The following ITCH variants were observed in gnomAD, a reference collection of about 807,000 sequenced individuals.
ITCH encodes itchy E3 ubiquitin protein ligase.
Under a neutral mutation model 126.8 loss-of-function variants are expected in ITCH, and 28 were observed. The ratio of observed to expected loss-of-function variants is 0.22; its 90% CI spans 0.16 to 0.30. The LOEUF (loss-of-function observed/expected upper bound fraction) is 0.30, where lower values mean the gene tolerates loss of function less well. Among genes scored for constraint, ITCH ranks in the 10% least tolerant of loss-of-function variants. The pLI is 1.00. For synonymous variants in ITCH, 342 were observed against 340.0 expected (o/e 1.01, Z -0.06); for missense variants, 631 against 1,032.4 (o/e 0.61, Z 5.33).
chr20:34,365,164 G>A (rs1334327302), intron 1 of ITCH, among the ~76,000 whole-genome samples: 1 of 151,994 alleles, frequency 6.6e-6, no homozygotes, highest in Non-Finnish European at 1.5e-5. Flanking sequence ...CGTTGCCACT[G>A]CATTCCAGCC....
Position 34,445,312 on chromosome 20 carries a change from G to A in ITCH, c.991G>A (p.Gly331Arg), listed in dbSNP as rs368511233. 14 of 1,610,274 alleles carry A rather than the reference G, an allele frequency of 8.7e-6. No individual in the cohort carries two copies. The African/African-American group carries it at 1.9e-4, about 22-fold the overall frequency. Reference sequence around the variant, plus strand: ...CTGGGAACGGCGGGTTGACAACATGGGACGTATTTATTATGTTGACCATTT... The same window carrying A: ...CTGGGAACGGCGGGTTGACAACATGAGACGTATTTATTATGTTGACCATTT... Reference protein sequence around the residue: ...PGWERRVDNMGRIYYVDHFTR... With the variant: ...PGWERRVDNMRRIYYVDHFTR... The change falls in exon 11 of 25, where the codon GGA (glycine) becomes AGA (arginine). Residue 331 changes from glycine (G) to arginine (R), a missense_variant. By Grantham distance (125) the Gly-to-Arg change is moderately radical. Around this residue, in one of 4 missense-constraint regions of ITCH, gnomAD observed 390 missense variants for 731.6 expected, o/e 0.53. Coordinates refer to ENST00000374864, the MANE Select transcript of ITCH (RefSeq NM_031483.7).
intron 2 of ITCH, among the ~76,000 whole-genome samples, chr20:34,370,216 C>T (rs146539817): frequency 2.6e-5 from 4 of 152,132 alleles, no homozygotes; most frequent in East Asian, 1.9e-4. Context: ...GTGTGACTTT[C>T]GGCGAGTTAT....
intron 7 of ITCH, among the ~76,000 whole-genome samples, chr20:34,435,454 C>A (rs957649777): frequency 6.6e-6 from 1 of 152,188 alleles, no homozygotes; most frequent in African/African-American, 2.4e-5. Context: ...CAGGCGTGAG[C>A]CACTGCAGCC....
chr20:34,433,407 A>C (rs189049492), intron 7 of ITCH, among the ~76,000 whole-genome samples: 1 of 152,080 alleles, frequency 6.6e-6, no homozygotes, highest in Non-Finnish European at 1.5e-5. Flanking sequence ...CAGGCAGGGC[A>C]TGGTGGCTCA....
At chr20:34,485,973 A>G (rs1989076592) in intron 20 of ITCH, among the ~76,000 whole-genome samples, 1 of 152,148 alleles carries the variant, frequency 6.6e-6, no homozygotes, top group Non-Finnish European at 1.5e-5. Context: ...TTAAAGCTGC[A>G]TATTTCCAAC....
chr20:34,480,761 A>G (rs1988677336), intron 19 of ITCH, 29 bp downstream of exon 19: 2 of 1,513,002 alleles, frequency 1.3e-6, no homozygotes, highest in East Asian at 2.3e-5. Context: ...GTAATTTATT[A>G]AAATATAGTT....
At chr20:34,461,956 T>C (rs1411358680) in intron 13 of ITCH, 137 bp from the exon 14 acceptor site, 2 of 773,798 alleles carry the variant, frequency 2.6e-6, no homozygotes, top group Non-Finnish European at 4.3e-6. Context: ...TAGAGATGTC[T>C]AGTATACAAC....
rs147893770 is a variant in ITCH at position 34,390,847 on chromosome 20, G to C, written c.-21-2944G>C. Among the ~76,000 whole-genome samples the C allele has an allele frequency of 7.6e-3, 1,153 of 152,022 alleles. 6 individuals are homozygous for C. The highest frequency in any genetic ancestry group is 0.012 in the Non-Finnish European group (812 of 67,980). ...GCAATCTTGGCTTACTGCCTCCCGGGTTCAAGCGATTCTCCTGCCTCAGAC... is the reference window on the plus strand; with the variant it reads ...GCAATCTTGGCTTACTGCCTCCCGGCTTCAAGCGATTCTCCTGCCTCAGAC... On this transcript the variant is annotated intron_variant, in intron 2 of 24. Transcript: ENST00000374864.
chr20:34,404,647 C>G (rs902980408), intron 3 of ITCH, among the ~76,000 whole-genome samples: 5 of 152,032 alleles, frequency 3.3e-5, no homozygotes, highest in Non-Finnish European at 7.4e-5. Flanking sequence ...TCCTGACCCC[C>G]GTTGATCCTT....
chr20:34,468,892 C>T (rs1292096859), intron 14 of ITCH, among the ~76,000 whole-genome samples: 1 of 151,872 alleles, frequency 6.6e-6, no homozygotes, highest in Non-Finnish European at 1.5e-5. Flanking sequence ...CGTTTGTATA[C>T]AGAAAATCAT....
intron 3 of ITCH, among the ~76,000 whole-genome samples, chr20:34,405,506 C>CAAAAA (rs113924606): frequency 7.5e-6 from 1 of 133,674 alleles, no homozygotes. Flanking sequence ...ACTCCTATCT[C>CAAAAA]AAAAAAAAAA....
intron 23 of ITCH, among the ~76,000 whole-genome samples, chr20:34,499,311 C>T (rs549855779): frequency 1.9e-3 from 120 of 64,494 alleles, no homozygotes; most frequent in African/African-American, 7.3e-3. Flanking sequence ...TTTTTTGAGA[C>T]AGTCTTGCTC....
chr20:34,463,960 G>C (rs952076645), intron 14 of ITCH, among the ~76,000 whole-genome samples: 1 of 151,620 alleles, frequency 6.6e-6, no homozygotes, highest in South Asian at 2.1e-4. Flanking sequence ...TTTGATGTCT[G>C]ATTTGTCAAT....
intron 13 of ITCH, among the ~76,000 whole-genome samples, chr20:34,461,506 C>A (rs1322368253): frequency 2.0e-5 from 3 of 151,996 alleles, no homozygotes; most frequent in Non-Finnish European, 4.4e-5. Flanking sequence ...GTCAGGAGTT[C>A]AAACCCAGCC....
At chr20:34,431,511 A>G in intron 7 of ITCH, among the ~76,000 whole-genome samples, 1 of 152,196 alleles carries the variant, frequency 6.6e-6, no homozygotes, top group Non-Finnish European at 1.5e-5. Context: ...GGAGTGAGAT[A>G]AAGAGTAGAG....
chr20:34,464,141 ATTTTTT>A (rs1025473489), intron 14 of ITCH, among the ~76,000 whole-genome samples: 2 of 132,820 alleles, frequency 1.5e-5, no homozygotes, highest in Non-Finnish European at 3.3e-5. Flanking sequence ...TGCCCAGCTA[ATTTTTT>A]TTTTTTTTTT....
At chr20:34,483,189 C>T (rs895896131) in intron 20 of ITCH, among the ~76,000 whole-genome samples, 1 of 152,160 alleles carries the variant, frequency 6.6e-6, no homozygotes, top group Non-Finnish European at 1.5e-5. Context: ...AGACCTCTGA[C>T]GTGCCCTGTA....
chr20:34,506,873 T>C (rs745568239), intron 24 of ITCH, among the ~76,000 whole-genome samples: 6 of 152,236 alleles, frequency 3.9e-5, no homozygotes, highest in Non-Finnish European at 7.3e-5. Flanking sequence ...TCTTTAATTT[T>C]CATCCATGTT....
chr20:34,464,236 C>G (rs770450364), intron 14 of ITCH, among the ~76,000 whole-genome samples: 2 of 151,618 alleles, frequency 1.3e-5, no homozygotes, highest in African/African-American at 2.4e-5. Flanking sequence ...GATCCACCCA[C>G]CTCAGTCTCC....
Sources: allele counts gnomAD v4.1 joint callset (sites outside exome capture counted in the v4.1 genomes callset), GRCh38; gene constraint gnomAD v4.1.1; regional missense constraint gnomAD v4.1.1; transcripts MANE v1.5; gene names NCBI Gene and HGNC (gene_info 2026-07-23, HGNC 2026-07-21).